The following RPH3AL variants were observed in gnomAD, a reference collection of about 807,000 sequenced individuals.
RPH3AL encodes rabphilin 3A like (without C2 domains).
A neutral mutation model predicts 43.1 loss-of-function variants in RPH3AL; 38 were observed. The observed-to-expected ratio is 0.88, with a 90% CI of 0.68 to 1.15. RPH3AL has a LOEUF of 1.15. Among genes scored for constraint, RPH3AL ranks in the 50% most tolerant of loss-of-function variants. RPH3AL has a pLI of 0.00. For missense variants in RPH3AL, 462 were observed against 423.2 expected (o/e 1.09, Z -0.81); for synonymous variants, 189 against 176.3 (o/e 1.07, Z -0.57).
chr17:291,668 G>A (rs774692271), intron 5 of RPH3AL, among the ~76,000 whole-genome samples: 10 of 152,164 alleles, frequency 6.6e-5, no homozygotes, highest in South Asian at 2.1e-4. Context: ...TCTTCAAAAG[G>A]GAAAATCTTA....
chr17:351,834 G>A (rs1237208879), intron 1 of RPH3AL, among the ~76,000 whole-genome samples: 2 of 152,296 alleles, frequency 1.3e-5, no homozygotes, highest in East Asian at 3.9e-4. Flanking sequence ...TAATACACAT[G>A]AAAATAAATC....
intron 5 of RPH3AL, among the ~76,000 whole-genome samples, chr17:301,255 G>A (rs2043321141): frequency 6.6e-6 from 1 of 152,246 alleles, no homozygotes; most frequent in Admixed American, 6.5e-5. Context: ...GGGGTCTCCT[G>A]CTCATCTTTA....
At chr17:297,092 A>G (rs28583833) in intron 5 of RPH3AL, among the ~76,000 whole-genome samples, 44,949 of 151,644 alleles carry the variant, frequency 0.3, 7,522 homozygotes, top group East Asian at 0.68. Flanking sequence ...CCAAGCCAAC[A>G]TGATGAAGAC....
At position 243,364 on chromosome 17, in the gene RPH3AL, T is replaced by C. The variant is rs575675895; in HGVS notation, c.613+3747A>G. ...TCCTCTACTGATTACCCTTCCTCTA[T>C]TGATTACCCTTCCTCTATTGATTAC... On this transcript the variant is annotated intron_variant, in intron 7 of 9. Transcript: ENST00000331302. Among the ~76,000 whole-genome samples the C allele has an allele frequency of 5.6e-5, 8 of 142,858 alleles. No individual in the cohort carries two copies. The East Asian group carries it at 1.0e-3, about 18-fold the overall frequency. The allele number at this position is 142,858 out of a possible 152,430, so 93.7% of individuals were successfully genotyped here. A position where few individuals can be genotyped will look rare whatever the true frequency, so the allele number is the denominator to read the frequency against.
intron 1 of RPH3AL, among the ~76,000 whole-genome samples, chr17:342,498 T>C (rs1248288572): frequency 1.3e-5 from 2 of 152,102 alleles, no homozygotes; most frequent in African/African-American, 4.8e-5. Context: ...ATATGGTGTA[T>C]CCACACAAAA....
At chr17:297,713 G>T (rs936506369) in intron 5 of RPH3AL, among the ~76,000 whole-genome samples, 1 of 152,186 alleles carries the variant, frequency 6.6e-6, no homozygotes. Flanking sequence ...CTTCCGGAAG[G>T]CTTAAAACCT....
At chr17:314,441 C>G (rs1001708852) in intron 5 of RPH3AL, among the ~76,000 whole-genome samples, 2 of 122,048 alleles carry the variant, frequency 1.6e-5, no homozygotes, top group Non-Finnish European at 3.5e-5. Context: ...CCTCTGCCCC[C>G]ACCTCCATTG....
intron 8 of RPH3AL, among the ~76,000 whole-genome samples, chr17:218,658 C>G (rs2151497188): frequency 6.6e-6 from 1 of 152,338 alleles, no homozygotes; most frequent in Middle Eastern, 3.4e-3. Context: ...AGGAAAATGT[C>G]TTTCCTTTCC....
intron 5 of RPH3AL, among the ~76,000 whole-genome samples, chr17:307,090 C>G (rs373185680): frequency 3.3e-5 from 5 of 152,140 alleles, no homozygotes; most frequent in Non-Finnish European, 5.9e-5. Flanking sequence ...AGGTCCTCCC[C>G]ACGGCAGGCC....
chr17:318,449 T>G (rs866606356), intron 5 of RPH3AL, among the ~76,000 whole-genome samples: 8 of 151,758 alleles, frequency 5.3e-5, no homozygotes, highest in Non-Finnish European at 7.4e-5. Context: ...AAAACTAAGG[T>G]GAAAACAAAA....
chr17:351,979 C>T (rs1458644368), intron 1 of RPH3AL, among the ~76,000 whole-genome samples: 5 of 152,206 alleles, frequency 3.3e-5, no homozygotes, highest in Admixed American at 3.3e-4. Flanking sequence ...GCCGTGCTTA[C>T]ATCCTGACAA....
chr17:222,204 G>C (rs2041008466), intron 7 of RPH3AL, among the ~76,000 whole-genome samples: 1 of 152,210 alleles, frequency 6.6e-6, no homozygotes, highest in East Asian at 1.9e-4. Flanking sequence ...TGAAGTTTCA[G>C]AACAATTCTG....
At chr17:266,991 C>T (rs1264911123) in intron 6 of RPH3AL, among the ~76,000 whole-genome samples, 1 of 152,214 alleles carries the variant, frequency 6.6e-6, no homozygotes, top group Non-Finnish European at 1.5e-5. Flanking sequence ...CCTCACCCTG[C>T]CTTGTAGCCC....
chr17:326,115 G>C (rs2044613329), intron 3 of RPH3AL, among the ~76,000 whole-genome samples: 1 of 152,240 alleles, frequency 6.6e-6, no homozygotes. Context: ...CTGCCCGGGA[G>C]GACACTTCAT....
intron 7 of RPH3AL, chr17:234,602 G>C (rs558107527): frequency 1.3e-5 from 2 of 155,408 alleles, no homozygotes; most frequent in East Asian, 3.8e-4. Flanking sequence ...CCAGAGGACA[G>C]ACGGCACCCA....
At chr17:302,926 G>A (rs1382650064) in intron 5 of RPH3AL, among the ~76,000 whole-genome samples, 1 of 152,234 alleles carries the variant, frequency 6.6e-6, no homozygotes, top group Non-Finnish European at 1.5e-5. Context: ...GACCCCGAAG[G>A]TCAGGGGCGG....
intron 7 of RPH3AL, among the ~76,000 whole-genome samples, chr17:240,244 A>G (rs1457733848): frequency 6.6e-6 from 1 of 152,166 alleles, no homozygotes; most frequent in African/African-American, 2.4e-5. Context: ...TCTCAAAAAA[A>G]AAAAAAAAGG....
chr17:214,024 G>C, intron 9 of RPH3AL, 101 bp from the exon 10 acceptor site: 1 of 858,024 alleles, frequency 1.2e-6, no homozygotes, highest in Non-Finnish European at 1.8e-6. Flanking sequence ...GGAGCTGGTG[G>C]GGAAGGCAGG....
In RPH3AL at chr17:281,845, T is replaced by G; in HGVS notation, c.361A>C (p.Thr121Pro). The G allele has an allele frequency of 6.2e-7, 1 of 1,613,830 alleles. No homozygotes were observed. Among genetic ancestry groups the G allele is most frequent in the Non-Finnish European group, 8.5e-7 (1 of 1,179,868 alleles). ...GGGGAGGCCTCGATCCCACATTTGG[T>G]GCAGACTTTCTACAAGAGAGAGGAC... ...FCKDCRKKVC[T>P]KCGIEASPGQ... The change falls in exon 6 of 10, where the codon ACC becomes CCC. Residue 121 changes from threonine to proline, a missense_variant. Coordinates refer to ENST00000331302, the MANE Select transcript of RPH3AL (RefSeq NM_006987.4).
Sources: allele counts gnomAD v4.1 joint callset (sites outside exome capture counted in the v4.1 genomes callset), GRCh38; gene constraint gnomAD v4.1.1; transcripts MANE v1.5; gene names NCBI Gene and HGNC (gene_info 2026-07-23, HGNC 2026-07-21).